CDH12: variants seen among roughly 807,000 people sequenced by gnomAD.
The protein encoded by CDH12 is cadherin 12, also known as cadherin-12.
In CDH12, 41 loss-of-function variants were observed where a neutral mutation model predicts 74.1. That is an observed-to-expected ratio of 0.55 (90% CI 0.43 to 0.72). The LOEUF is 0.72. Among genes scored for constraint, CDH12 ranks in the 30% least tolerant of loss-of-function variants. CDH12 has a pLI of 0.00. For missense variants in CDH12, 945 were observed against 977.2 expected, an observed-to-expected ratio of 0.97 and a Z score of 0.44; for synonymous variants, 399 against 355.0, an observed-to-expected ratio of 1.12 and a Z score of -1.39.
chr5:22,742,785 TTC>T (rs1745094112), intron 1 of CDH12, among the ~76,000 whole-genome samples: 1 of 151,128 alleles, frequency 6.6e-6, no homozygotes, highest in Non-Finnish European at 1.5e-5. Flanking sequence ...CATATATATA[TTC>T]ATATACACAG....
At chr5:21,995,218 A>C (rs1008765015) in intron 5 of CDH12, among the ~76,000 whole-genome samples, 2 of 151,786 alleles carry the variant, frequency 1.3e-5, no homozygotes, top group Non-Finnish European at 2.9e-5. Flanking sequence ...AACCTACCGG[A>C]AGGAACCAAT....
chr5:22,449,862 A>G (rs1744974471), intron 2 of CDH12, among the ~76,000 whole-genome samples: 3 of 152,132 alleles, frequency 2.0e-5, no homozygotes, highest in Non-Finnish European at 4.4e-5. Flanking sequence ...TGAAAACCCC[A>G]ACACATTCAT....
chr5:22,596,346 C>G (rs1006212559), intron 1 of CDH12, among the ~76,000 whole-genome samples: 2 of 150,368 alleles, frequency 1.3e-5, no homozygotes, highest in African/African-American at 4.9e-5. Flanking sequence ...GAGGCTGAGG[C>G]AGGAGAATCT....
intron 3 of CDH12, among the ~76,000 whole-genome samples, chr5:22,293,256 A>C (rs570747730): frequency 6.6e-6 from 1 of 152,242 alleles, no homozygotes; most frequent in African/African-American, 2.4e-5. Context: ...GACTGACTGA[A>C]TTAGGGATAA....
At chr5:22,838,291 G>T (rs1220971706) in intron 1 of CDH12, among the ~76,000 whole-genome samples, 2 of 152,124 alleles carry the variant, frequency 1.3e-5, no homozygotes, top group African/African-American at 2.4e-5. Context: ...CACCATCCTA[G>T]TGGCTGAATG....
intron 6 of CDH12, among the ~76,000 whole-genome samples, chr5:21,973,628 A>G (rs1756948232): frequency 6.6e-6 from 1 of 152,192 alleles, no homozygotes; most frequent in South Asian, 2.1e-4. Context: ...TTTTGGTACT[A>G]AAAAGTCACT....
Position 22,505,338 on chromosome 5 carries a change from A to C in CDH12, c.-496T>G. The C allele has an allele frequency of 2.0e-6, 2 of 984,650 alleles. No individual in the cohort carries two copies. Among genetic ancestry groups the C allele is most frequent in the Non-Finnish European group, 2.4e-6 (2 of 829,276 alleles). 61.0% of individuals were successfully genotyped at this position (984,650 alleles called of 1,614,324 possible). On this transcript the variant is annotated 5_prime_UTR_variant, in exon 2 of 15. Coordinates refer to ENST00000382254, the MANE Select transcript of CDH12 (RefSeq NM_004061.5). ...GGTTCCAGCTTGTCTATATTTCCCA[A>C]AAGAGCCAAGCTGTTAGGTAACAAA...
chr5:22,600,137 T>C (rs543005583), intron 1 of CDH12, among the ~76,000 whole-genome samples: 1 of 152,302 alleles, frequency 6.6e-6, no homozygotes, highest in African/African-American at 2.4e-5. Context: ...TTACTTGCTT[T>C]ATTTGCATGA....
intron 5 of CDH12, among the ~76,000 whole-genome samples, chr5:22,061,080 A>T (rs950433214): frequency 1.1e-4 from 17 of 152,206 alleles, no homozygotes; most frequent in Admixed American, 9.2e-4. Context: ...CTTGACATTG[A>T]CATAAAACAA....
intron 1 of CDH12, among the ~76,000 whole-genome samples, chr5:22,619,779 G>T (rs1443084286): frequency 6.6e-6 from 1 of 151,622 alleles, no homozygotes; most frequent in Non-Finnish European, 1.5e-5. Flanking sequence ...TTCCCCCAGC[G>T]AATGTGTACA....
intron 5 of CDH12, among the ~76,000 whole-genome samples, chr5:22,075,392 C>A (rs2150222011): frequency 6.6e-6 from 1 of 151,792 alleles, no homozygotes; most frequent in Non-Finnish European, 1.5e-5. Context: ...AGCACACCAA[C>A]ATGGCACATG....
intron 6 of CDH12, among the ~76,000 whole-genome samples, chr5:21,904,502 A>G (rs1211506032): frequency 6.6e-6 from 1 of 152,092 alleles, no homozygotes; most frequent in African/African-American, 2.4e-5. Context: ...GTAGTAGCTC[A>G]TGATGTCTGT....
At chr5:22,750,571 CA>C (rs1745514363) in intron 1 of CDH12, among the ~76,000 whole-genome samples, 1 of 151,944 alleles carries the variant, frequency 6.6e-6, no homozygotes, top group South Asian at 2.1e-4. Context: ...CAAGAAGAGC[CA>C]AAACCCAGAG....
intron 1 of CDH12, among the ~76,000 whole-genome samples, chr5:22,810,907 G>A (rs1749103558): frequency 7.7e-6 from 1 of 129,568 alleles, no homozygotes; most frequent in African/African-American, 2.8e-5. Flanking sequence ...ACAAATATAT[G>A]TGTGTGTGTG....
intron 3 of CDH12, among the ~76,000 whole-genome samples, chr5:22,342,018 C>A (rs1049164072): frequency 1.3e-5 from 2 of 152,106 alleles, no homozygotes; most frequent in Non-Finnish European, 2.9e-5. Flanking sequence ...AGGGTGTCAG[C>A]AAGTTTCAGA....
At chr5:22,010,796 T>C (rs1737249980) in intron 5 of CDH12, among the ~76,000 whole-genome samples, 1 of 152,134 alleles carries the variant, frequency 6.6e-6, no homozygotes, top group South Asian at 2.1e-4. Flanking sequence ...TGTTTAGAAT[T>C]ATATGTGCCT....
intron 6 of CDH12, among the ~76,000 whole-genome samples, chr5:21,965,321 A>G (rs896673194): frequency 2.6e-5 from 4 of 152,044 alleles, no homozygotes; most frequent in Non-Finnish European, 5.9e-5. Context: ...GAAAAAGGGT[A>G]TATTAAAAAA....
intron 6 of CDH12, among the ~76,000 whole-genome samples, chr5:21,880,743 A>G (rs1416937304): frequency 6.9e-6 from 1 of 145,042 alleles, no homozygotes; most frequent in Non-Finnish European, 1.5e-5. Context: ...ACATTTGTTT[A>G]TCCACAGGCA....
intron 4 of CDH12, among the ~76,000 whole-genome samples, chr5:22,177,722 T>C (rs1383125927): frequency 6.6e-6 from 1 of 152,076 alleles, no homozygotes; most frequent in Non-Finnish European, 1.5e-5. Flanking sequence ...GCCACCCACC[T>C]ATCACACCAT....
Sources: allele counts gnomAD v4.1 joint callset (sites outside exome capture counted in the v4.1 genomes callset), GRCh38; gene constraint gnomAD v4.1.1; transcripts MANE v1.5; gene names NCBI Gene and HGNC (gene_info 2026-07-23, HGNC 2026-07-21).